The following NDUFS4 variants were observed in gnomAD, a reference collection of about 807,000 sequenced individuals.
NDUFS4 encodes the protein NADH dehydrogenase [ubiquinone] iron-sulfur protein 4, mitochondrial.
In NDUFS4, 28 loss-of-function variants were observed where a neutral mutation model predicts 24.3. That is an observed-to-expected ratio of 1.15 (90% CI 0.85 to 1.58). The LOEUF (loss-of-function observed/expected upper bound fraction) is 1.58, where lower values mean the gene tolerates loss of function less well. Among genes scored for constraint, NDUFS4 ranks in the 40% most tolerant of loss-of-function variants. NDUFS4 has a pLI of 0.00. For missense variants in NDUFS4, 223 were observed against 207.9 expected, an observed-to-expected ratio of 1.07 and a Z score of -0.45; for synonymous variants, 93 against 69.7, an observed-to-expected ratio of 1.34 and a Z score of -1.67.
At chr5:53,563,236 C>CA (rs906204561) in intron 1 of NDUFS4, among the ~76,000 whole-genome samples, 30,354 of 105,638 alleles carry the variant, frequency 0.29, 3,277 homozygotes, top group Non-Finnish European at 0.31. Flanking sequence ...CTCAAAAAAA[C>CA]AAAAAAAAAA....
intron 4 of NDUFS4, among the ~76,000 whole-genome samples, chr5:53,680,872 C>G (rs935087810): frequency 6.6e-6 from 1 of 151,962 alleles, no homozygotes. Context: ...TTCAAGCACT[C>G]AGCATGGGGA....
Position 53,683,182 on chromosome 5 carries a change from C to G in NDUFS4, c.489C>G (p.Asn163Lys), listed in dbSNP as rs1195182670. 1 of 1,612,072 alleles carries G rather than the reference C, an allele frequency of 6.2e-7. No individual in the cohort carries two copies. Among genetic ancestry groups the G allele is most frequent in the Non-Finnish European group, 8.5e-7 (1 of 1,178,596 alleles). Residue 163 changes from asparagine (N) to lysine (K), a missense_variant, in exon 5 of 5, where the codon AAC (asparagine) becomes AAG (lysine). By Grantham distance (94) the Asn-to-Lys change is moderately conservative. Transcript: ENST00000296684. ...PKPKSKSYGANFSWNKRTRVS... is the reference protein window; with the variant it reads ...PKPKSKSYGAKFSWNKRTRVS... ...CCAAGTCCAAGTCTTATGGTGCAAACTTTTCTTGGAACAAAAGAACAAGAG... is the reference window on the plus strand; with the variant it reads ...CCAAGTCCAAGTCTTATGGTGCAAAGTTTTCTTGGAACAAAAGAACAAGAG...
chr5:53,609,918 A>G (rs1366135439), intron 2 of NDUFS4, among the ~76,000 whole-genome samples: 1 of 152,136 alleles, frequency 6.6e-6, no homozygotes, highest in Non-Finnish European at 1.5e-5. Context: ...GAATTAAGGG[A>G]ATGTTGTAGC....
intron 4 of NDUFS4, among the ~76,000 whole-genome samples, chr5:53,669,956 A>T (rs1752619085): frequency 6.6e-6 from 1 of 152,138 alleles, no homozygotes; most frequent in Admixed American, 6.6e-5. Flanking sequence ...AACCTGAAGA[A>T]AGAAAGCTAT....
chr5:53,636,407 T>C (rs1181576207), intron 2 of NDUFS4, among the ~76,000 whole-genome samples: 2 of 152,212 alleles, frequency 1.3e-5, no homozygotes, highest in South Asian at 2.1e-4. Flanking sequence ...AACATTAGTT[T>C]GGAGAGCTGT....
intron 3 of NDUFS4, among the ~76,000 whole-genome samples, chr5:53,651,776 T>C (rs1057374035): frequency 7.8e-4 from 12 of 15,322 alleles, no homozygotes; most frequent in Middle Eastern, 0.028. Context: ...ACTTTATTCT[T>C]TTTTTTTTTT....
chr5:53,563,129 T>C (rs1488422025), intron 1 of NDUFS4, among the ~76,000 whole-genome samples: 1 of 150,910 alleles, frequency 6.6e-6, no homozygotes, highest in Non-Finnish European at 1.5e-5. Context: ...CTCAGGAGGC[T>C]GAGGCAGGAG....
chr5:53,621,582 A>G (rs1198926036), intron 2 of NDUFS4, among the ~76,000 whole-genome samples: 1 of 151,696 alleles, frequency 6.6e-6, no homozygotes, highest in South Asian at 2.1e-4. Context: ...GTATTACTTC[A>G]TATGTAACAT....
chr5:53,601,128 C>G (rs1241537685), intron 1 of NDUFS4, among the ~76,000 whole-genome samples: 1 of 151,688 alleles, frequency 6.6e-6, no homozygotes, highest in African/African-American at 2.4e-5. Context: ...CCTCAGCCTC[C>G]GAGTAGCTGC....
At position 53,655,366 on chromosome 5, in the gene NDUFS4, A is replaced by AT. The variant is rs562996240; in HGVS notation, c.351-3166dup. Among the ~76,000 whole-genome samples, 929 of 117,324 alleles carry AT rather than the reference A, an allele frequency of 7.9e-3. 4 individuals are homozygous for AT. Among genetic ancestry groups the AT allele is most frequent in the South Asian group, 0.02 (76 of 3,816 alleles). 77.0% of individuals were successfully genotyped at this position (117,324 alleles called of 152,430 possible). On this transcript the variant is annotated intron_variant, in intron 3 of 4. Coordinates refer to ENST00000296684, the MANE Select transcript of NDUFS4 (RefSeq NM_002495.4). ...CTAACAACATAGATTAGTTTTGCCT[A>AT]TTTTTTTTTTTTTTTTTTTACTTAA...
chr5:53,624,291 C>G (rs1751150908), intron 2 of NDUFS4, among the ~76,000 whole-genome samples: 1 of 152,104 alleles, frequency 6.6e-6, no homozygotes, highest in Admixed American at 6.5e-5. Context: ...ATGAGTCCTC[C>G]AGCTTTGTTC....
chr5:53,602,283 C>T (rs1017105724), intron 1 of NDUFS4, among the ~76,000 whole-genome samples: 4 of 152,088 alleles, frequency 2.6e-5, no homozygotes, highest in African/African-American at 4.8e-5. Flanking sequence ...ACAACCAGGA[C>T]ATGTATTTTA....
intron 2 of NDUFS4, among the ~76,000 whole-genome samples, chr5:53,611,028 A>T (rs1472513550): frequency 1.3e-5 from 2 of 151,986 alleles, no homozygotes; most frequent in Admixed American, 6.6e-5. Context: ...TTAGTATATG[A>T]TCATTATTTT....
intron 2 of NDUFS4, among the ~76,000 whole-genome samples, chr5:53,622,161 A>G (rs1311811780): frequency 6.6e-6 from 1 of 152,140 alleles, no homozygotes. Flanking sequence ...CCTTTAGCCT[A>G]AAGAGCCTTA....
rs145258878 is a variant in NDUFS4, at chr5:53,676,800, A to T, written c.425-6318A>T. ...AAATGACCACAGAAGCACCATGGGC[A>T]TTGATTTAGGAGTCACAAATAAACT... is the stretch of plus-strand genomic sequence containing the variant. On this transcript the variant is annotated intron_variant, in intron 4 of 4. Coordinates refer to ENST00000296684, the MANE Select transcript of NDUFS4 (RefSeq NM_002495.4). Among the ~76,000 whole-genome samples, 707 of 152,338 alleles carry T rather than the reference A, an allele frequency of 4.6e-3. 5 individuals carry two copies. The highest frequency in any genetic ancestry group is 0.016 in the African/African-American group (681 of 41,580).
intron 2 of NDUFS4, chr5:53,605,044 A>AC (rs1750455123): frequency 2.8e-6 from 1 of 359,698 alleles, no homozygotes; most frequent in African/African-American, 2.1e-5. Flanking sequence ...ACATGGTGAT[A>AC]CCCCGTCTCT....
chr5:53,651,473 T>G (rs1005102872), intron 3 of NDUFS4, among the ~76,000 whole-genome samples: 7 of 151,884 alleles, frequency 4.6e-5, no homozygotes, highest in Admixed American at 1.3e-4. Context: ...GTTCTCAGCC[T>G]GCTTATATTT....
At chr5:53,586,488 A>G (rs921124105) in intron 1 of NDUFS4, among the ~76,000 whole-genome samples, 4 of 149,536 alleles carry the variant, frequency 2.7e-5, no homozygotes, top group Non-Finnish European at 5.9e-5. Context: ...GTTCAGGAAA[A>G]TGAATTGTTT....
intron 2 of NDUFS4, among the ~76,000 whole-genome samples, chr5:53,621,828 T>A (rs906561101): frequency 2.7e-5 from 4 of 150,560 alleles, no homozygotes; most frequent in Non-Finnish European, 5.9e-5. Flanking sequence ...CAGCCTCCCG[T>A]GTAGCTGGGA....
Sources: allele counts gnomAD v4.1 joint callset (sites outside exome capture counted in the v4.1 genomes callset), GRCh38; gene constraint gnomAD v4.1.1; transcripts MANE v1.5; gene names NCBI Gene and HGNC (gene_info 2026-07-23, HGNC 2026-07-21).